CCDC171: variants seen among roughly 807,000 people sequenced by gnomAD.
The protein encoded by CCDC171 is coiled-coil domain-containing protein 171.
CCDC171 carries 177 observed loss-of-function variants against 168.2 expected under a neutral mutation model. The observed-to-expected ratio is 1.05, with a 90% CI of 0.93 to 1.19. CCDC171 has a LOEUF of 1.19. Ranked by LOEUF, CCDC171 falls within the 50% of genes most tolerant of loss-of-function variation. CCDC171 has a pLI of 0.00. For synonymous variants in CCDC171, 687 were observed against 540.8 expected (o/e 1.27, Z -3.75); for missense variants, 1,991 against 1,539.0 (o/e 1.29, Z -4.91).
chr9:15,851,335 G>T (rs1329172856), intron 23 of CCDC171, among the ~76,000 whole-genome samples: 1 of 151,408 alleles, frequency 6.6e-6, no homozygotes. Flanking sequence ...TTTTTTCAAA[G>T]AAATGTAAAT....
At chr9:15,696,093 C>T (rs1037411902) in intron 11 of CCDC171, among the ~76,000 whole-genome samples, 2 of 152,128 alleles carry the variant, frequency 1.3e-5, no homozygotes, top group African/African-American at 4.8e-5. Context: ...TGGTGGTCTT[C>T]TAACACAATT....
the CCDC171 span, among the ~76,000 whole-genome samples, chr9:16,079,360 C>T: frequency 1.3e-5 from 2 of 152,160 alleles, no homozygotes; most frequent in African/African-American, 4.8e-5. Flanking sequence ...CAGACAAAAT[C>T]AAGTTAAAAT....
At chr9:16,106,983 G>T in the CCDC171 span, among the ~76,000 whole-genome samples, 2 of 152,142 alleles carry the variant, frequency 1.3e-5, no homozygotes, top group African/African-American at 4.8e-5. Context: ...AGCTCTCGCA[G>T]CACTGTCTTG....
chr9:15,970,237 C>G (rs1831213722), intron 25 of CCDC171, among the ~76,000 whole-genome samples: 1 of 151,136 alleles, frequency 6.6e-6, no homozygotes, highest in South Asian at 2.1e-4. Context: ...AATGGTAACA[C>G]ATACAACAGT....
chr9:15,974,861 C>G (rs530737750), downstream of CCDC171, among the ~76,000 whole-genome samples: 2 of 152,024 alleles, frequency 1.3e-5, no homozygotes, highest in African/African-American at 4.8e-5. Context: ...TTTCATATTA[C>G]TTCATTTACC....
In CCDC171 at chr9:15,623,470, C is replaced by CGCGT. The variant is rs1428780893; in HGVS notation, c.822+60_822+61insTGCG. The CGCGT allele has an allele frequency of 4.4e-5, 33 of 753,626 alleles. No individual in the cohort carries two copies. In the East Asian group the frequency reaches 8.7e-4, roughly 20 times the overall value. 46.7% of individuals were successfully genotyped at this position (753,626 alleles called of 1,614,324 possible). A position where few individuals can be genotyped will look rare whatever the true frequency, so the allele number is the denominator to read the frequency against. On this transcript the variant is annotated intron_variant, in intron 7 of 25. Transcript: ENST00000380701. ...GCGTACAAACTTTCACATATGCGCG[C>CGCGT]GCGCGCACACACACACACACACACA...
In CCDC171 at chr9:15,591,543, A is replaced by G; in HGVS notation, c.530A>G (p.Glu177Gly). 6.4e-7 allele frequency: 1 copy of G among 1,557,716 alleles called. No individual in the cohort carries two copies. Among genetic ancestry groups the G allele is most frequent in the Non-Finnish European group, 8.7e-7 (1 of 1,148,236 alleles). Residue 177 changes from glutamate (E) to glycine (G), a missense_variant, in exon 5 of 26, where the codon GAG becomes GGG. Glu to Gly is a moderately conservative substitution (Grantham distance 98). Coordinates refer to ENST00000380701, the MANE Select transcript of CCDC171 (RefSeq NM_173550.4). Reference sequence around the variant, plus strand: ...CTTATGAAAGAAAAAAGCAGACTAGAGAAAACTCTACAGGTAAAATAGTTT... The same window carrying G: ...CTTATGAAAGAAAAAAGCAGACTAGGGAAAACTCTACAGGTAAAATAGTTT... ...DLLMKEKSRL[E>G]KTLQEALEKH...
rs138372950 is a variant in CCDC171, at chr9:15,750,195, A to G, written c.2671+4564A>G. On this transcript the variant is annotated intron_variant, in intron 18 of 25. Transcript: ENST00000380701. The stretch of plus-strand genomic sequence containing the variant: ...ATCAGAGAATGCTATAAAGACCTCT[A>G]CATAAATAAACTAGAAAATCTAGAA... Among the ~76,000 whole-genome samples the G allele has an allele frequency of 9.2e-5, 14 of 152,328 alleles. No individual in the cohort carries two copies. The East Asian group carries it at 2.7e-3, about 29-fold the overall frequency.
At chr9:15,602,053 A>G (rs1404515420) in intron 6 of CCDC171, among the ~76,000 whole-genome samples, 1 of 152,230 alleles carries the variant, frequency 6.6e-6, no homozygotes, top group Non-Finnish European at 1.5e-5. Flanking sequence ...TATGCTCCCT[A>G]GTTACTACGA....
chr9:16,091,702 T>C, the CCDC171 span, among the ~76,000 whole-genome samples: 1 of 152,190 alleles, frequency 6.6e-6, no homozygotes, highest in Non-Finnish European at 1.5e-5. Flanking sequence ...CCTGTTGATA[T>C]TTCTGATTCT....
intron 6 of CCDC171, among the ~76,000 whole-genome samples, chr9:15,596,067 G>C (rs1042848119): frequency 2.0e-5 from 3 of 152,020 alleles, no homozygotes; most frequent in Admixed American, 1.3e-4. Flanking sequence ...TGAGTAGATT[G>C]CAAAAATTTT....
chr9:15,924,014 T>C (rs1012631862), intron 25 of CCDC171, among the ~76,000 whole-genome samples: 1 of 151,460 alleles, frequency 6.6e-6, no homozygotes, highest in Non-Finnish European at 1.5e-5. Context: ...GGCATGTATA[T>C]AGATATATAG....
chr9:15,666,272 C>T lies in CCDC171; in HGVS notation c.1025C>T (p.Ala342Val). Residue 342 changes from alanine (A) to valine (V), a missense_variant, in exon 9 of 26, where the codon GCA (alanine) becomes GTA (valine). Coordinates refer to ENST00000380701, the MANE Select transcript of CCDC171 (RefSeq NM_173550.4). ...IKNEFKEVESAYEREKHNAQE... is the reference protein window; with the variant it reads ...IKNEFKEVESVYEREKHNAQE... Reference sequence around the variant, plus strand: ...AATGAATTCAAAGAAGTTGAAAGTGCATATGAGCGAGAAAAGCATAATGCA... The same window carrying T: ...AATGAATTCAAAGAAGTTGAAAGTGTATATGAGCGAGAAAAGCATAATGCA... The T allele has an allele frequency of 1.2e-6, 2 of 1,613,360 alleles. No individual in the cohort carries two copies. Among genetic ancestry groups the T allele is most frequent in the Non-Finnish European group, 1.7e-6 (2 of 1,179,498 alleles).
chr9:15,783,772 T>C (rs2057792401), intron 20 of CCDC171, among the ~76,000 whole-genome samples: 2 of 152,208 alleles, frequency 1.3e-5, no homozygotes, highest in South Asian at 4.1e-4. Context: ...AAAGCAGTCA[T>C]GATATTGTAA....
intron 3 of CCDC171, among the ~76,000 whole-genome samples, chr9:15,990,450 A>G (rs1281983170): frequency 1.4e-4 from 21 of 152,234 alleles, no homozygotes; most frequent in Admixed American, 8.5e-4. Flanking sequence ...AGGAACAACC[A>G]GTACCAGCCA....
intron 9 of CCDC171, among the ~76,000 whole-genome samples, chr9:15,678,434 T>G (rs547278997): frequency 2.6e-5 from 4 of 152,298 alleles, no homozygotes; most frequent in East Asian, 1.9e-4. Context: ...AGTCTTGAGA[T>G]AGTCTCTGAG....
chr9:15,696,781 C>A (rs576055599), intron 11 of CCDC171, among the ~76,000 whole-genome samples: 2 of 152,108 alleles, frequency 1.3e-5, no homozygotes, highest in Non-Finnish European at 2.9e-5. Flanking sequence ...TATTACTAAG[C>A]CTACAGAATT....
chr9:15,835,906 A>G (rs1018925187), intron 21 of CCDC171, among the ~76,000 whole-genome samples: 44 of 152,162 alleles, frequency 2.9e-4, no homozygotes, highest in Non-Finnish European at 4.6e-4. Flanking sequence ...TAAAAATAGT[A>G]TGTTTTACAG....
At chr9:16,079,389 C>A in the CCDC171 span, among the ~76,000 whole-genome samples, 1 of 152,114 alleles carries the variant, frequency 6.6e-6, no homozygotes, top group Non-Finnish European at 1.5e-5. Context: ...TAGGATGATC[C>A]CTAATCCAAT....
Sources: gnomAD v4.1 joint callset for allele counts (sites outside exome capture counted in the v4.1 genomes callset) on GRCh38, gnomAD v4.1.1 for gene constraint, MANE v1.5 for transcripts, NCBI Gene and HGNC (gene_info 2026-07-23, HGNC 2026-07-21) for gene names.